Variants in TBC1D9 observed in about 807,000 individuals in gnomAD.
TBC1D9 encodes the protein TBC1 domain family member 9.
TBC1D9 carries 63 observed loss-of-function variants against 132.0 expected under a neutral mutation model. That is an observed-to-expected ratio of 0.48 (90% CI 0.39 to 0.59). The LOEUF (loss-of-function observed/expected upper bound fraction) is 0.59, where lower values mean the gene tolerates loss of function less well. Among genes scored for constraint, TBC1D9 ranks in the 20% least tolerant of loss-of-function variants. TBC1D9 has a pLI of 0.00. For missense variants in TBC1D9, 1,261 were observed against 1,592.7 expected (o/e 0.79, Z 3.54); for synonymous variants, 610 against 609.9 (o/e 1.00, Z 0.00).
chr4:140,656,308 T>TAATTAGGA (rs1335471246), intron 13 of TBC1D9, among the ~76,000 whole-genome samples: 2 of 152,288 alleles, frequency 1.3e-5, no homozygotes, highest in African/African-American at 4.8e-5. Flanking sequence ...TGTGGAGTCC[T>TAATTAGGA]AATTAGGGAA....
intron 1 of TBC1D9, among the ~76,000 whole-genome samples, chr4:140,726,510 C>T (rs934117623): frequency 7.9e-5 from 12 of 151,940 alleles, no homozygotes; most frequent in African/African-American, 2.9e-4. Flanking sequence ...ACCCCTACCC[C>T]CAATACTACC....
At chr4:140,666,618 G>A (rs1196257462) in intron 9 of TBC1D9, among the ~76,000 whole-genome samples, 5 of 151,962 alleles carry the variant, frequency 3.3e-5, no homozygotes, top group Non-Finnish European at 7.4e-5. Context: ...GATTACAGGC[G>A]TGAGCCACCG....
chr4:140,687,285 G>C (rs1737794174), intron 2 of TBC1D9, among the ~76,000 whole-genome samples: 1 of 139,508 alleles, frequency 7.2e-6, no homozygotes, highest in Non-Finnish European at 1.6e-5. Context: ...TTTATAATTT[G>C]TCCGTATATC....
chr4:140,641,468 T>C (rs1736993012), intron 13 of TBC1D9, among the ~76,000 whole-genome samples: 1 of 152,228 alleles, frequency 6.6e-6, no homozygotes, highest in Non-Finnish European at 1.5e-5. Context: ...AAGTTTGGTA[T>C]TATCAAAATC....
intron 1 of TBC1D9, among the ~76,000 whole-genome samples, chr4:140,705,382 C>G (rs995120198): frequency 2.0e-5 from 3 of 152,142 alleles, no homozygotes; most frequent in African/African-American, 7.2e-5. Context: ...TTTTCCTCTT[C>G]TCTCCAGACT....
intron 13 of TBC1D9, among the ~76,000 whole-genome samples, chr4:140,648,665 T>C (rs534304079): frequency 6.6e-6 from 1 of 152,242 alleles, no homozygotes; most frequent in Non-Finnish European, 1.5e-5. Context: ...AGATTATAGA[T>C]GTGAGCCATG....
chr4:140,697,869 T>C (rs1737994224), intron 2 of TBC1D9, among the ~76,000 whole-genome samples: 4 of 151,860 alleles, frequency 2.6e-5, no homozygotes, highest in South Asian at 2.1e-4. Flanking sequence ...TCACCAGAAA[T>C]TGAGGTGGGA....
intron 1 of TBC1D9, among the ~76,000 whole-genome samples, chr4:140,748,971 A>G (rs1738880789): frequency 6.6e-6 from 1 of 152,224 alleles, no homozygotes; most frequent in Admixed American, 6.5e-5. Flanking sequence ...ATTAAAATAT[A>G]CTATTACAAC....
intron 10 of TBC1D9, among the ~76,000 whole-genome samples, chr4:140,660,107 TA>T (rs1352430817): frequency 6.6e-6 from 1 of 152,234 alleles, no homozygotes. Flanking sequence ...ATTTCCTTTG[TA>T]ACTTTCCGTA....
In TBC1D9 at chr4:140,679,166, A is replaced by C. The variant is rs4956329; in HGVS notation, c.627T>G (p.Leu209=). The C allele has an allele frequency of 2.2e-5, 36 of 1,613,604 alleles. No individual in the cohort carries two copies. The highest frequency in any genetic ancestry group is 3.3e-4 in the Middle Eastern group (2 of 6,054). ...GCAGAAGCAGGGTGGCATTCTTCTC[A>C]AGCTGAGTGATGTCTACCCACCGGA... The part of the protein sequence containing the change: ...LVIRWVDITQ[L]EKNATLLLPD... Residue 209 remains leucine (L), a synonymous_variant, in exon 5 of 21, where the codon CTT becomes CTG. Coordinates refer to ENST00000442267, the MANE Select transcript of TBC1D9 (RefSeq NM_015130.3).
chr4:140,665,490 C>A (rs904338728), intron 9 of TBC1D9, among the ~76,000 whole-genome samples: 1 of 152,048 alleles, frequency 6.6e-6, no homozygotes, highest in African/African-American at 2.4e-5. Flanking sequence ...AAAAAATGTT[C>A]AACATCATTA....
chr4:140,753,295 T>C lies in TBC1D9; in HGVS notation c.130+2621A>G, dbSNP rs189929614. ...CTTTTCTAGCGATAAGGTCTCACCA[T>C]GTTGCCCAGTCCGGATTTGAATGCC... On this transcript the variant is annotated intron_variant, in intron 1 of 20. Coordinates refer to ENST00000442267, the MANE Select transcript of TBC1D9 (RefSeq NM_015130.3). Among the ~76,000 whole-genome samples the C allele has an allele frequency of 2.2e-3, 334 of 151,970 alleles. 2 individuals are homozygous for C. Among genetic ancestry groups the C allele is most frequent in the African/African-American group, 7.3e-3 (302 of 41,452 alleles).
chr4:140,621,938 T>C lies in TBC1D9; in HGVS notation c.*257A>G. 2.5e-6 allele frequency: 1 copy of C among 395,990 alleles called. No individual in the cohort carries two copies. 24.5% of individuals were successfully genotyped at this position (395,990 alleles called of 1,614,324 possible). A position where few individuals can be genotyped will look rare whatever the true frequency, so the allele number is the denominator to read the frequency against. On this transcript the variant is annotated 3_prime_UTR_variant, in exon 21 of 21. Transcript: ENST00000442267. The stretch of plus-strand genomic sequence containing the variant: ...CACATATCACTGACAGATTCATCTT[T>C]TTGTTTTTTAGAATTCACGAAATAA...
At chr4:140,668,776 C>T (rs1182171675) in intron 9 of TBC1D9, 141 bp downstream of exon 9, 1 of 871,662 alleles carries the variant, frequency 1.1e-6, no homozygotes, top group Non-Finnish European at 1.7e-6. Flanking sequence ...CTTCAATACT[C>T]TGGTGAGGAA....
At chr4:140,712,287 C>A (rs1189536692) in intron 1 of TBC1D9, 1 of 150,664 alleles carries the variant, frequency 6.6e-6, no homozygotes, top group Non-Finnish European at 1.5e-5. Context: ...CAAACTGGTA[C>A]GTATTCATAC....
At chr4:140,708,361 A>G (rs1738179109) in intron 1 of TBC1D9, among the ~76,000 whole-genome samples, 1 of 152,240 alleles carries the variant, frequency 6.6e-6, no homozygotes, top group African/African-American at 2.4e-5. Context: ...CAATTTCTCC[A>G]ATTTCAGAAG....
intron 13 of TBC1D9, among the ~76,000 whole-genome samples, chr4:140,640,447 T>TGGGGGGGGGGGGGGGGGG (rs55770281): frequency 1.9e-5 from 2 of 108,004 alleles, no homozygotes; most frequent in Non-Finnish European, 3.9e-5. Flanking sequence ...GGTGGTGGGG[T>TGGGGGGGGGGGGGGGGGG]GGGGGGGGGA....
At chr4:140,640,241 A>C (rs1736962033) in intron 13 of TBC1D9, among the ~76,000 whole-genome samples, 1 of 151,884 alleles carries the variant, frequency 6.6e-6, no homozygotes, top group African/African-American at 2.4e-5. Flanking sequence ...GGTTTTTAGG[A>C]CTTCAATATT....
At chr4:140,676,578 G>A (rs1189808747) in intron 6 of TBC1D9, among the ~76,000 whole-genome samples, 4 of 152,154 alleles carry the variant, frequency 2.6e-5, no homozygotes, top group African/African-American at 4.8e-5. Flanking sequence ...GCTTGAACCT[G>A]GAGGGTGGAG....
Sources: gnomAD v4.1 joint callset for allele counts (sites outside exome capture counted in the v4.1 genomes callset) on GRCh38, gnomAD v4.1.1 for gene constraint, MANE v1.5 for transcripts, NCBI Gene and HGNC (gene_info 2026-07-23, HGNC 2026-07-21) for gene names.